Variants in SCAPER observed in about 807,000 individuals in gnomAD.
The protein encoded by SCAPER is S phase cyclin A-associated protein in the endoplasmic reticulum.
SCAPER carries 98 observed loss-of-function variants against 182.2 expected under a neutral mutation model. The observed-to-expected ratio is 0.54, with a 90% CI of 0.46 to 0.64. SCAPER has a LOEUF of 0.64. Ranked by LOEUF, SCAPER falls within the 30% of genes least tolerant of loss-of-function variation. The pLI is 0.00. For synonymous variants in SCAPER, 605 were observed against 564.6 expected (o/e 1.07, Z -1.01); for missense variants, 1,432 against 1,690.0 (o/e 0.85, Z 2.68).
chr15:76,367,589 G>A (rs143727188), intron 29 of SCAPER, among the ~76,000 whole-genome samples: 37 of 152,220 alleles, frequency 2.4e-4, no homozygotes, highest in African/African-American at 7.5e-4. Context: ...GCCTACCTCA[G>A]TTGACGTCCT....
chr15:76,866,294 T>G (rs973923099), intron 2 of SCAPER, among the ~76,000 whole-genome samples: 1 of 152,030 alleles, frequency 6.6e-6, no homozygotes, highest in Admixed American at 6.6e-5. Flanking sequence ...GAAAATTCAC[T>G]ATGCCATACA....
At chr15:76,795,508 T>C in intron 7 of SCAPER, 68 bp from the exon 8 acceptor site, 2 of 1,233,738 alleles carry the variant, frequency 1.6e-6, no homozygotes, top group South Asian at 2.2e-5. Flanking sequence ...ATATGCTAAA[T>C]GTATTTAAAA....
At chr15:76,588,097 A>AT (rs2048816143) in intron 22 of SCAPER, among the ~76,000 whole-genome samples, 1 of 151,408 alleles carries the variant, frequency 6.6e-6, no homozygotes, top group African/African-American at 2.4e-5. Context: ...AATTTTTTGT[A>AT]TTTTTTAGTA....
At chr15:76,732,972 C>A (rs2151053595) in intron 16 of SCAPER, among the ~76,000 whole-genome samples, 1 of 152,314 alleles carries the variant, frequency 6.6e-6, no homozygotes, top group South Asian at 2.1e-4. Context: ...AGATGGCTCA[C>A]ACGCCTTACC....
At chr15:76,397,474 C>CT (rs71143321) in intron 27 of SCAPER, among the ~76,000 whole-genome samples, 33,228 of 71,850 alleles carry the variant, frequency 0.46, 9,072 homozygotes, top group South Asian at 0.64. Flanking sequence ...TATTGGCAGA[C>CT]TTTTTTTTTT....
intron 25 of SCAPER, among the ~76,000 whole-genome samples, chr15:76,456,477 C>T (rs967049790): frequency 6.6e-6 from 1 of 152,224 alleles, no homozygotes; most frequent in African/African-American, 2.4e-5. Context: ...ATTTCAAGCT[C>T]TTTAAATGTA....
intron 27 of SCAPER, among the ~76,000 whole-genome samples, chr15:76,392,126 G>A (rs1489944181): frequency 2.0e-5 from 3 of 152,132 alleles, no homozygotes; most frequent in African/African-American, 7.2e-5. Flanking sequence ...AGGAATTCCA[G>A]GAGGAAATGT....
At chr15:76,879,019 G>C (rs1307951795) in intron 2 of SCAPER, among the ~76,000 whole-genome samples, 4 of 152,054 alleles carry the variant, frequency 2.6e-5, no homozygotes, top group African/African-American at 9.7e-5. Context: ...ATACACTACC[G>C]ACAGGAAATG....
Position 76,636,822 on chromosome 15 carries a change from TCA to T in SCAPER, c.2646-14995_2646-14994del, listed in dbSNP as rs568505663. Among the ~76,000 whole-genome samples, 411 of 152,322 alleles carry T rather than the reference TCA, an allele frequency of 2.7e-3. 1 individual carries two copies. The highest frequency in any genetic ancestry group is 6.8e-3 in the Middle Eastern group (2 of 294). On this transcript the variant is annotated intron_variant, in intron 21 of 31. Coordinates refer to ENST00000563290, the MANE Select transcript of SCAPER (RefSeq NM_020843.4). The stretch of plus-strand genomic sequence containing the variant: ...TCCAGAGTTCCAAAAAAATTGGTTC[TCA>T]CAGTTTTTGCCAATTAACTATATTG...
At chr15:76,433,654 A>G (rs928025875) in intron 26 of SCAPER, among the ~76,000 whole-genome samples, 1 of 152,154 alleles carries the variant, frequency 6.6e-6, no homozygotes, top group Non-Finnish European at 1.5e-5. Flanking sequence ...TGTATCACTA[A>G]TTGTCTATCT....
At chr15:76,872,091 A>C (rs1030398267) in intron 2 of SCAPER, among the ~76,000 whole-genome samples, 2 of 152,204 alleles carry the variant, frequency 1.3e-5, no homozygotes, top group Non-Finnish European at 2.9e-5. Flanking sequence ...CTTTAACCAC[A>C]AACTAGATAC....
chr15:76,817,515 T>C (rs1771738887), intron 5 of SCAPER, among the ~76,000 whole-genome samples: 1 of 152,178 alleles, frequency 6.6e-6, no homozygotes, highest in African/African-American at 2.4e-5. Flanking sequence ...ATGAGGGCAC[T>C]AGTTAATGAT....
intron 17 of SCAPER, among the ~76,000 whole-genome samples, chr15:76,720,377 CACAATAAACAT>C (rs1258841807): frequency 6.6e-6 from 1 of 151,994 alleles, no homozygotes; most frequent in Non-Finnish European, 1.5e-5. Flanking sequence ...TGGATAGTGC[CACAATAAACAT>C]ACATGTGAAT....
At chr15:76,658,591 C>T (rs1019362854) in intron 21 of SCAPER, among the ~76,000 whole-genome samples, 2 of 151,934 alleles carry the variant, frequency 1.3e-5, no homozygotes, top group African/African-American at 4.8e-5. Flanking sequence ...CAAAAAAGAG[C>T]CCCAGTAGCC....
chr15:76,713,272 T>C (rs973404014), intron 17 of SCAPER, among the ~76,000 whole-genome samples: 1 of 152,038 alleles, frequency 6.6e-6, no homozygotes, highest in Non-Finnish European at 1.5e-5. Flanking sequence ...AGCCATCCCA[T>C]TACTGAGTAT....
At chr15:76,503,287 A>G (rs2041303544) in intron 24 of SCAPER, among the ~76,000 whole-genome samples, 1 of 152,202 alleles carries the variant, frequency 6.6e-6, no homozygotes, top group African/African-American at 2.4e-5. Context: ...AACACCCTGT[A>G]AATAAAGTCC....
intron 26 of SCAPER, among the ~76,000 whole-genome samples, chr15:76,429,047 A>G (rs1031676268): frequency 1.3e-5 from 2 of 151,490 alleles, no homozygotes; most frequent in African/African-American, 4.9e-5. Context: ...TGCTGTTCTC[A>G]TGATAGAGAA....
intron 21 of SCAPER, among the ~76,000 whole-genome samples, chr15:76,622,053 A>G (rs188048704): frequency 6.6e-6 from 1 of 152,342 alleles, no homozygotes; most frequent in East Asian, 1.9e-4. Flanking sequence ...ATAACTAAAA[A>G]GACAGTGGAA....
chr15:76,592,098 C>G (rs1378546871), intron 22 of SCAPER, among the ~76,000 whole-genome samples: 1 of 151,012 alleles, frequency 6.6e-6, no homozygotes, highest in African/African-American at 2.4e-5. Flanking sequence ...TACCTACCTA[C>G]AGATTATATA....
Sources: allele counts gnomAD v4.1 joint callset (sites outside exome capture counted in the v4.1 genomes callset), GRCh38; gene constraint gnomAD v4.1.1; transcripts MANE v1.5; gene names NCBI Gene and HGNC (gene_info 2026-07-23, HGNC 2026-07-21).